CSMD1: variants seen among roughly 807,000 people sequenced by gnomAD.
CSMD1 encodes the protein CUB and sushi domain-containing protein 1.
CSMD1 carries 213 observed loss-of-function variants against 417.5 expected under a neutral mutation model. The observed-to-expected ratio is 0.51, with a 90% confidence interval of 0.46 to 0.57. The LOEUF (loss-of-function observed/expected upper bound fraction) is 0.57. CSMD1 is among the 20% of genes least tolerant of loss of function. The probability of loss-of-function intolerance (pLI) is 0.00; values close to 1 mark genes in which losing one functional copy is unlikely to be tolerated. For synonymous variants in CSMD1, 2,862 were observed against 1,736.8 expected (o/e 1.65, Z -16.11); for missense variants, 6,923 against 4,529.7 (o/e 1.53, Z -15.17).
chr8:3,237,612 T>C (rs966446471), intron 26 of CSMD1, among the ~76,000 whole-genome samples: 1 of 143,854 alleles, frequency 7.0e-6, no homozygotes, highest in Non-Finnish European at 1.5e-5. Flanking sequence ...TTTATACTTA[T>C]ACTATAAATA....
At chr8:3,065,276 A>C (rs1405522333) in intron 49 of CSMD1, among the ~76,000 whole-genome samples, 1 of 149,020 alleles carries the variant, frequency 6.7e-6, no homozygotes, top group Non-Finnish European at 1.5e-5. Context: ...AGACTGGAAT[A>C]TGATACATAG....
At chr8:4,390,447 G>GT (rs1221315617) in intron 3 of CSMD1, among the ~76,000 whole-genome samples, 3 of 151,754 alleles carry the variant, frequency 2.0e-5, no homozygotes, top group Non-Finnish European at 2.9e-5. Flanking sequence ...TATTGGATGT[G>GT]TTTTATCACC....
At chr8:4,844,104 T>A (rs1800996693) in intron 1 of CSMD1, among the ~76,000 whole-genome samples, 1 of 152,190 alleles carries the variant, frequency 6.6e-6, no homozygotes, top group African/African-American at 2.4e-5. Context: ...GAAGTGTTTG[T>A]CTAAGAGCTG....
At position 3,083,643 on chromosome 8, in the gene CSMD1, TATA is replaced by T. The variant is rs1814297654; in HGVS notation, c.7474+3451_7474+3453del. Among the ~76,000 whole-genome samples the T allele has an allele frequency of 6.2e-4, 19 of 30,686 alleles. No individual in the cohort carries two copies. In the Admixed American group the frequency reaches 7.1e-3, roughly 11 times the overall value. The allele number at this position is 30,686 out of a possible 152,430, so 20.1% of individuals were successfully genotyped here. ...ATATATATATATATATATATATATA[TATA>T]TATTTTTTTTTTTTTTTTTTTTTTT... is the stretch of plus-strand genomic sequence containing the variant. On this transcript the variant is annotated intron_variant, in intron 49 of 69. Coordinates refer to ENST00000635120, the MANE Select transcript of CSMD1 (RefSeq NM_033225.6).
chr8:4,885,429 G>C (rs1803675588), intron 1 of CSMD1, among the ~76,000 whole-genome samples: 1 of 151,962 alleles, frequency 6.6e-6, no homozygotes, highest in Non-Finnish European at 1.5e-5. Flanking sequence ...GGGGGAAAGC[G>C]TTTAGTCTTT....
chr8:4,174,117 C>A (rs943846845), intron 3 of CSMD1, among the ~76,000 whole-genome samples: 3 of 152,046 alleles, frequency 2.0e-5, no homozygotes, highest in Non-Finnish European at 4.4e-5. Context: ...GAGGGTAGGG[C>A]AAGCCTGGAA....
chr8:4,569,650 C>T (rs186833164), intron 2 of CSMD1, among the ~76,000 whole-genome samples: 1 of 151,312 alleles, frequency 6.6e-6, no homozygotes, highest in Non-Finnish European at 1.5e-5. Context: ...TCCACATGAC[C>T]TTTAGTTTTT....
intron 5 of CSMD1, among the ~76,000 whole-genome samples, chr8:3,972,607 T>A (rs1429607629): frequency 1.3e-5 from 2 of 152,208 alleles, no homozygotes; most frequent in Non-Finnish European, 2.9e-5. Context: ...TTATTTTTAA[T>A]GTACTACTAA....
intron 5 of CSMD1, among the ~76,000 whole-genome samples, chr8:3,926,519 A>C (rs1477670714): frequency 1.3e-5 from 2 of 151,702 alleles, no homozygotes; most frequent in Admixed American, 6.6e-5. Flanking sequence ...ATTATTTTTC[A>C]CTTACAAAAA....
At chr8:4,729,025 A>T (rs1809671821) in intron 1 of CSMD1, among the ~76,000 whole-genome samples, 1 of 152,216 alleles carries the variant, frequency 6.6e-6, no homozygotes, top group Non-Finnish European at 1.5e-5. Context: ...GTTAGTATAC[A>T]GACGGAAAGA....
At chr8:4,603,904 G>C (rs1038454384) in intron 2 of CSMD1, among the ~76,000 whole-genome samples, 1 of 151,624 alleles carries the variant, frequency 6.6e-6, no homozygotes, top group Non-Finnish European at 1.5e-5. Context: ...TATTACTCTG[G>C]GGGATTTGGG....
At chr8:4,166,987 G>A (rs1343396768) in intron 3 of CSMD1, among the ~76,000 whole-genome samples, 3 of 152,334 alleles carry the variant, frequency 2.0e-5, no homozygotes, top group Admixed American at 6.5e-5. Flanking sequence ...CTTTCTGCCT[G>A]CCCCTGTGCT....
chr8:3,503,094 T>C (rs1796676099), intron 10 of CSMD1, among the ~76,000 whole-genome samples: 2 of 152,162 alleles, frequency 1.3e-5, no homozygotes, highest in Non-Finnish European at 2.9e-5. Context: ...ATATAAGCTT[T>C]TATATCTGTA....
At chr8:3,903,767 A>G (rs929389955) in intron 5 of CSMD1, among the ~76,000 whole-genome samples, 2 of 152,016 alleles carry the variant, frequency 1.3e-5, no homozygotes, top group Admixed American at 6.5e-5. Context: ...CCACCTCCCA[A>G]TTGAGTCCAC....
At chr8:4,810,234 T>G (rs1021751148) in intron 1 of CSMD1, among the ~76,000 whole-genome samples, 1 of 152,240 alleles carries the variant, frequency 6.6e-6, no homozygotes, top group African/African-American at 2.4e-5. Flanking sequence ...AGTAAATGGA[T>G]GCAGATTTTT....
intron 3 of CSMD1, among the ~76,000 whole-genome samples, chr8:4,152,597 G>A (rs1175537547): frequency 2.0e-5 from 3 of 152,012 alleles, no homozygotes; most frequent in African/African-American, 7.3e-5. Flanking sequence ...GGCTTAAGTG[G>A]GAAGATCGTT....
chr8:3,737,222 T>A (rs927401726), intron 6 of CSMD1, among the ~76,000 whole-genome samples: 2 of 133,370 alleles, frequency 1.5e-5, no homozygotes, highest in African/African-American at 5.3e-5. Context: ...TTATCATTGA[T>A]TTTTTGCTTT....
rs1159507543 is a variant in CSMD1 at position 4,312,396 on chromosome 8, T to TATATAC, written c.415+107556_415+107557insGTATAT. 3.2e-4 allele frequency among the ~76,000 whole-genome samples: 32 copies of TATATAC among 99,048 alleles called. 6 individuals are homozygous for TATATAC. Among genetic ancestry groups the TATATAC allele is most frequent in the African/African-American group, 2.5e-3 (32 of 12,848 alleles). The allele number at this position is 99,048 out of a possible 152,430, so 65.0% of individuals were successfully genotyped here. On this transcript the variant is annotated intron_variant, in intron 3 of 69. Transcript: ENST00000635120. ...GAACAAATATATATATATATATACA[T>TATATAC]ACATATATATGCGTGTATATATATG...
At chr8:3,959,493 C>T (rs2627491) in intron 5 of CSMD1, among the ~76,000 whole-genome samples, 69,131 of 151,824 alleles carry the variant, frequency 0.46, 16,610 homozygotes, top group East Asian at 0.79. Flanking sequence ...AGCGAGACTC[C>T]GTCAAGAAAG....
Sources: allele counts gnomAD v4.1 joint callset (sites outside exome capture counted in the v4.1 genomes callset), GRCh38; gene constraint gnomAD v4.1.1; transcripts MANE v1.5; gene names NCBI Gene and HGNC (gene_info 2026-07-23, HGNC 2026-07-21).